The following TMEM8B variants were observed in gnomAD, a reference collection of about 807,000 sequenced individuals.
TMEM8B encodes the protein nasopharyngeal carcinoma expressed 6.
TMEM8B carries 29 observed loss-of-function variants against 49.3 expected under a neutral mutation model. The observed-to-expected ratio is 0.59, with a 90% CI of 0.44 to 0.80. The LOEUF is 0.80. Among genes scored for constraint, TMEM8B ranks in the 30% least tolerant of loss-of-function variants. The pLI, the probability that TMEM8B is intolerant of heterozygous loss-of-function variation, is 0.00. For synonymous variants in TMEM8B, 264 were observed against 272.8 expected (o/e 0.97, Z 0.32); for missense variants, 575 against 658.5 (o/e 0.87, Z 1.39).
chr9:35,841,179 G>C lies in TMEM8B; in HGVS notation c.952G>C (p.Val318Leu). The C allele has an allele frequency of 2.4e-6, 1 of 416,068 alleles. No individual in the cohort carries two copies. The allele number at this position is 416,068 out of a possible 1,614,324, so 25.8% of individuals were successfully genotyped here. Residue 318 changes from valine to leucine, a missense_variant, in exon 4 of 13, where the codon GTC (valine) becomes CTC (leucine). Coordinates refer to ENST00000643932, the MANE Select transcript of TMEM8B (RefSeq NM_001042590.4). This position sits in a 1 kb window ranked among gnomAD's most constrained non-coding sequence, Gnocchi z 5.9. ...CQYLLQPQLI[V>L]RRLLDVAVLV... ...GTACCTCCTTCAGCCGCAGCTGATT[G>C]TCCGGCGTTTGCTGGACGTCGCTGT...
chr9:35,852,760 C>G (rs1832268059), intron 10 of TMEM8B, 67 bp from the exon 11 acceptor site: 1 of 1,597,846 alleles, frequency 6.3e-7, no homozygotes, highest in Non-Finnish European at 8.5e-7. Flanking sequence ...CTGGGCCCAC[C>G]CCTCCGGTTT....
intron 10 of TMEM8B, 85 bp from the exon 11 acceptor site, chr9:35,852,742 C>T: frequency 1.3e-6 from 2 of 1,531,268 alleles, no homozygotes; most frequent in South Asian, 1.2e-5. Flanking sequence ...GACAGCAGCA[C>T]ACCACCCCTG....
intron 1 of TMEM8B, among the ~76,000 whole-genome samples, chr9:35,831,050 G>T (rs1439513894): frequency 2.6e-5 from 4 of 152,210 alleles, no homozygotes; most frequent in Admixed American, 2.0e-4. Context: ...CAGCTGGGGG[G>T]TGGAGAATGG....
At position 35,841,034 on chromosome 9, in the gene TMEM8B, CG is replaced by C; in HGVS notation, c.907-95del. The stretch of plus-strand genomic sequence containing the variant: ...AGAGGCCTGGGAGTGGTGGCCGGGG[CG>C]GGGGTTTCTCCCCAGCCCGCCCAGC... On this transcript the variant is annotated intron_variant, in intron 3 of 12. Transcript: ENST00000643932. The surrounding 1 kb of genome is among the most constrained non-coding windows in gnomAD (Gnocchi z 5.9). 1 of 411,694 alleles carries C rather than the reference CG, an allele frequency of 2.4e-6. No individual in the cohort carries two copies. Among genetic ancestry groups the C allele is most frequent in the Non-Finnish European group, 4.4e-6 (1 of 225,948 alleles). 25.5% of individuals were successfully genotyped at this position (411,694 alleles called of 1,614,324 possible).
rs769305439 is a variant in TMEM8B at position 35,853,716 on chromosome 9, A to G, written c.2651A>G (p.Asp884Gly). 3 of 1,613,924 alleles carry G rather than the reference A, an allele frequency of 1.9e-6. No homozygotes were observed. The African/African-American group carries it at 4.0e-5, about 22-fold the overall frequency. ...GFLLPPRAKT[D>G]HGVPSGARAR... ...CTGCTGCCCCCTCGTGCCAAGACTG[A>G]CCACGGGGTCCCATCTGGAGCCCGG... Residue 884 changes from aspartate (D) to glycine (G), a missense_variant, in exon 13 of 13, where the codon GAC (aspartate) becomes GGC (glycine). Coordinates refer to ENST00000643932, the MANE Select transcript of TMEM8B (RefSeq NM_001042590.4). This position sits in a 1 kb window ranked among gnomAD's most constrained non-coding sequence, Gnocchi z 4.2.
intron 10 of TMEM8B, among the ~76,000 whole-genome samples, chr9:35,851,797 T>G (rs1832166416): frequency 6.6e-6 from 1 of 152,256 alleles, no homozygotes; most frequent in South Asian, 2.1e-4. Flanking sequence ...AGATCCTAGC[T>G]TCTTCCTTTC....
chr9:35,845,174 A>C (rs1016641030), intron 6 of TMEM8B, among the ~76,000 whole-genome samples: 1 of 152,226 alleles, frequency 6.6e-6, no homozygotes, highest in African/African-American at 2.4e-5. Context: ...GTGATTCTCC[A>C]GAGACTCTGA....
At chr9:35,849,218 A>G (rs1179713466) in intron 10 of TMEM8B, among the ~76,000 whole-genome samples, 1 of 152,192 alleles carries the variant, frequency 6.6e-6, no homozygotes, top group Non-Finnish European at 1.5e-5. Flanking sequence ...ACAGGAGATA[A>G]CAGTCCTCTT....
In TMEM8B at chr9:35,864,702, T is replaced by C. The variant is rs1361587795; in HGVS notation, c.*10862T>C. 1 of 152,226 alleles carries C rather than the reference T, an allele frequency of 6.6e-6. No individual in the cohort carries two copies. Among genetic ancestry groups the C allele is most frequent in the Admixed American group, 6.5e-5 (1 of 15,282 alleles). The allele number at this position is 152,226 out of a possible 1,614,324, so 9.4% of individuals were successfully genotyped here. A position where few individuals can be genotyped will look rare whatever the true frequency, so the allele number is the denominator to read the frequency against. On this transcript the variant is annotated 3_prime_UTR_variant, in exon 13 of 13. Coordinates refer to ENST00000643932, the MANE Select transcript of TMEM8B (RefSeq NM_001042590.4). ...CCCTATCCCTGTCCCCCAGCAAATA[T>C]TTTGGCTTTTAAATGTTTTAAATGA...
chr9:35,833,812 G>A (rs1297412910), intron 1 of TMEM8B, among the ~76,000 whole-genome samples: 2 of 152,066 alleles, frequency 1.3e-5, no homozygotes, highest in East Asian at 1.9e-4. Flanking sequence ...ACCCAAGCAG[G>A]CCCCTGGCAG....
In TMEM8B at chr9:35,835,032, C is replaced by G. The variant is rs910318205; in HGVS notation, c.720C>G (p.Pro240=). Residue 240 remains proline (P), a synonymous_variant, in exon 3 of 13, where the codon CCC becomes CCG. Transcript: ENST00000643932. Reference sequence around the variant, plus strand: ...CCAGGTATTTCCGGTCCGGGGCACCCCCTGTCATCAATCCCCTGCATACAC... The same window carrying G: ...CCAGGTATTTCCGGTCCGGGGCACCGCCTGTCATCAATCCCCTGCATACAC... ...SVTVYFRSGA[P]PVINPLHTHF... 5.1e-5 allele frequency: 21 copies of G among 415,668 alleles called. No individual in the cohort carries two copies. The highest frequency in any genetic ancestry group is 9.3e-5 in the Non-Finnish European group (21 of 226,424). The allele number at this position is 415,668 out of a possible 1,614,324, so 25.7% of individuals were successfully genotyped here.
At chr9:35,844,865 C>T (rs1256614175) in intron 6 of TMEM8B, among the ~76,000 whole-genome samples, 1 of 152,234 alleles carries the variant, frequency 6.6e-6, no homozygotes, top group African/African-American at 2.4e-5. Context: ...GTGCTAAGCA[C>T]CTCAGCCTGT....
intron 6 of TMEM8B, chr9:35,845,395 C>T (rs990227044): frequency 1.0e-6 from 1 of 985,390 alleles, no homozygotes; most frequent in Non-Finnish European, 1.2e-6. Context: ...CTTATGGCAT[C>T]CTGTTGCCTT....
In TMEM8B at chr9:35,853,784, G is replaced by A. The variant is rs1288058989; in HGVS notation, c.2719G>A (p.Glu907Lys). The change falls in exon 13 of 13, where the codon GAG becomes AAG. Residue 907 changes from glutamate (E) to lysine (K), a missense_variant. Coordinates refer to ENST00000643932, the MANE Select transcript of TMEM8B (RefSeq NM_001042590.4). This position sits in a 1 kb window ranked among gnomAD's most constrained non-coding sequence, Gnocchi z 4.2. ...CCAGCTATGCATCAACGAGCAGGAGGAGCTGGGCCTCGTGGGCCCAGGAGG... is the reference window on the plus strand; with the variant it reads ...CCAGCTATGCATCAACGAGCAGGAGAAGCTGGGCCTCGTGGGCCCAGGAGG... ...GYQLCINEQE[E>K]LGLVGPGGAT... The A allele has an allele frequency of 1.0e-5, 16 of 1,590,678 alleles. No individual in the cohort carries two copies. The highest frequency in any genetic ancestry group is 1.4e-5 in the Non-Finnish European group (16 of 1,167,584).
Position 35,846,333 on chromosome 9 carries a change from C to T in TMEM8B, c.1805C>T (p.Thr602Met), listed in dbSNP as rs1831552747. Residue 602 changes from threonine to methionine, a missense_variant, in exon 8 of 13, where the codon ACG becomes ATG. Thr to Met is a moderately conservative substitution (Grantham distance 81). Coordinates refer to ENST00000643932, the MANE Select transcript of TMEM8B (RefSeq NM_001042590.4). ...AGGCTGCGAATCCCATTCCCGCAGA[C>T]GGGGACCTGGTTCCTGGCCCTCCGC... ...VARLRIPFPQ[T>M]GTWFLALRSL... The T allele has an allele frequency of 6.2e-7, 1 of 1,614,142 alleles. No individual in the cohort carries two copies. The highest frequency in any genetic ancestry group is 1.1e-5 in the South Asian group (1 of 91,090).
chr9:35,846,195 G>T (rs1831532491), intron 7 of TMEM8B, 63 bp from the exon 8 acceptor site: 4 of 1,608,570 alleles, frequency 2.5e-6, no homozygotes, highest in Non-Finnish European at 3.4e-6. Context: ...GGGAGCAGGT[G>T]GGTGAGGGTT....
chr9:35,857,290 A>G lies in TMEM8B; in HGVS notation c.*3450A>G, dbSNP rs1832569461. The G allele has an allele frequency of 6.6e-6, 1 of 152,272 alleles. No homozygotes were observed. Among genetic ancestry groups the G allele is most frequent in the Non-Finnish European group, 1.5e-5 (1 of 68,072 alleles). The allele number at this position is 152,272 out of a possible 1,614,324, so 9.4% of individuals were successfully genotyped here. A position where few individuals can be genotyped will look rare whatever the true frequency, so the allele number is the denominator to read the frequency against. On this transcript the variant is annotated 3_prime_UTR_variant, in exon 13 of 13. Coordinates refer to ENST00000643932, the MANE Select transcript of TMEM8B (RefSeq NM_001042590.4). The stretch of plus-strand genomic sequence containing the variant: ...CCTGAAGGAGCTCACACGGTGGTGA[A>G]GTGTCATGAATGCAAGTTAGATGGG...
intron 1 of TMEM8B, among the ~76,000 whole-genome samples, chr9:35,832,761 A>C (rs369764175): frequency 6.6e-6 from 1 of 152,274 alleles, no homozygotes; most frequent in East Asian, 1.9e-4. Context: ...AAGGTGCGCT[A>C]GAGTTCTGAT....
At chr9:35,845,789 A>G in intron 6 of TMEM8B, 186 bp from the exon 7 acceptor site, 1 of 985,326 alleles carries the variant, frequency 1.0e-6, no homozygotes, top group Non-Finnish European at 1.2e-6. Context: ...TCTGCTGTGG[A>G]GGATCTGTTG....
Sources: allele counts gnomAD v4.1 joint callset (sites outside exome capture counted in the v4.1 genomes callset), GRCh38; gene constraint gnomAD v4.1.1; non-coding constraint Gnocchi (gnomAD v3.1); transcripts MANE v1.5; gene names NCBI Gene and HGNC (gene_info 2026-07-23, HGNC 2026-07-21).